The following ENPP2 variants were observed in gnomAD, a reference collection of about 807,000 sequenced individuals.
ENPP2 encodes the protein autotaxin.
Under a neutral mutation model 120.2 loss-of-function variants are expected in ENPP2, and 51 were observed. The ratio of observed to expected loss-of-function variants is 0.42; its 90% CI spans 0.34 to 0.54. The LOEUF is 0.54. Ranked by LOEUF, ENPP2 falls within the 20% of genes least tolerant of loss-of-function variation. ENPP2 has a pLI of 0.04. For missense variants in ENPP2, 920 were observed against 1,066.5 expected (o/e 0.86, Z 1.91); for synonymous variants, 365 against 366.4 (o/e 1.00, Z 0.04).
rs759046480 is a variant in ENPP2 at position 119,583,693 on chromosome 8, G to C, written c.1543+24C>G. The C allele has an allele frequency of 8.7e-6, 11 of 1,266,626 alleles. No homozygotes were observed. In the South Asian group the frequency reaches 1.4e-4, roughly 16 times the overall value. 78.5% of individuals were successfully genotyped at this position (1,266,626 alleles called of 1,614,324 possible). A position where few individuals can be genotyped will look rare whatever the true frequency, so the allele number is the denominator to read the frequency against. On this transcript the variant is annotated intron_variant, in intron 17 of 24. Transcript: ENST00000075322. Reference sequence around the variant, plus strand: ...ATACTAACTAAAGATTGTTTCAATGGTTCTGATTAAATGAGTGACTTACCA... The same window carrying C: ...ATACTAACTAAAGATTGTTTCAATGCTTCTGATTAAATGAGTGACTTACCA...
intron 11 of ENPP2, 67 bp from the exon 12 acceptor site, chr8:119,593,927 C>A (rs1358627087): frequency 5.6e-6 from 5 of 899,158 alleles, no homozygotes; most frequent in Non-Finnish European, 9.4e-6. Context: ...TCTCATAGAT[C>A]TTCTACCCCT....
chr8:119,601,279 C>G, intron 10 of ENPP2, 118 bp downstream of exon 10: 3 of 716,024 alleles, frequency 4.2e-6, no homozygotes, highest in Non-Finnish European at 4.7e-6. Flanking sequence ...AGGCTAAGAA[C>G]CACAAAACTT....
chr8:119,598,948 G>C (rs1420739954), intron 11 of ENPP2, among the ~76,000 whole-genome samples: 1 of 152,068 alleles, frequency 6.6e-6, no homozygotes, highest in African/African-American at 2.4e-5. Flanking sequence ...TTCTTTGAGG[G>C]GATGCTATTA....
intron 19 of ENPP2, among the ~76,000 whole-genome samples, chr8:119,573,298 T>C (rs976139920): frequency 2.0e-5 from 3 of 150,446 alleles, no homozygotes; most frequent in African/African-American, 7.4e-5. Context: ...TCCCAGCTAC[T>C]AGGGAGTCTG....
chr8:119,611,306 C>T (rs910271303), intron 8 of ENPP2, among the ~76,000 whole-genome samples: 2 of 152,192 alleles, frequency 1.3e-5, no homozygotes, highest in South Asian at 2.1e-4. Flanking sequence ...CCTTTGCACT[C>T]GAAAGCATTG....
chr8:119,557,669 C>T lies in ENPP2; in HGVS notation c.2444G>A (p.Trp815Ter). Residue 815 changes from tryptophan (W) to a stop codon, truncating the protein, a stop_gained, in exon 25 of 25, where the codon TGG (tryptophan) becomes TAG (stop). Transcript: ENST00000075322. LOFTEE classifies it high-confidence loss of function. ...SCNSSEDESK[W>*]VEELMKMHTA... ...GTGCATCTTCATGAGTTCTTCTACC[C>T]ATTTTGATTCGTCCTCTGAGCTCTG... 6.3e-7 allele frequency: 1 copy of T among 1,581,032 alleles called. No homozygotes were observed. The highest frequency in any genetic ancestry group is 8.6e-7 in the Non-Finnish European group (1 of 1,169,066).
At chr8:119,582,639 A>T in intron 17 of ENPP2, 37 bp from the exon 18 acceptor site, 1 of 1,471,200 alleles carries the variant, frequency 6.8e-7, no homozygotes. Context: ...GGTGCTTCTT[A>T]TATTTTTTTG....
chr8:119,587,087 G>C lies in ENPP2; in HGVS notation c.1208-12C>G, dbSNP rs1429347349. 5 of 1,602,858 alleles carry C rather than the reference G, an allele frequency of 3.1e-6. No homozygotes were observed. Among genetic ancestry groups the C allele is most frequent in the Non-Finnish European group, 3.4e-6 (4 of 1,174,322 alleles). On this transcript the variant is annotated splice_polypyrimidine_tract_variant and intron_variant, in intron 13 of 24. Transcript: ENST00000075322. ...GGCTTTGGGGTCATCTGTTCAAAGAGAGGAGAAAGATTTCAAAAGAAATAA... is the reference window on the plus strand; with the variant it reads ...GGCTTTGGGGTCATCTGTTCAAAGACAGGAGAAAGATTTCAAAAGAAATAA...
At position 119,582,536 on chromosome 8, in the gene ENPP2, G is replaced by T; in HGVS notation, c.1610C>A (p.Thr537Asn). The change falls in exon 18 of 25, where the codon ACT becomes AAT. Residue 537 changes from threonine (T) to asparagine (N), a missense_variant. Thr to Asn is a moderately conservative substitution (Grantham distance 65). Coordinates refer to ENST00000075322, the MANE Select transcript of ENPP2 (RefSeq NM_001040092.3). ...THGSLNHLLR[T>N]NTFRPTMPEE... ...TGGCATGGTTGGCCTGAAGGTATTAGTGCGCAGGAGATGATTCAAACTTCC... is the reference window on the plus strand; with the variant it reads ...TGGCATGGTTGGCCTGAAGGTATTATTGCGCAGGAGATGATTCAAACTTCC... The T allele has an allele frequency of 6.2e-7, 1 of 1,613,712 alleles. No homozygotes were observed.
chr8:119,571,061 G>A, intron 19 of ENPP2: 1 of 347,254 alleles, frequency 2.9e-6, no homozygotes, highest in Non-Finnish European at 5.1e-6. Flanking sequence ...AAACCATAAT[G>A]TAAATGCTGT....
intron 3 of ENPP2, among the ~76,000 whole-genome samples, chr8:119,623,648 C>G (rs867202663): frequency 3.3e-5 from 5 of 151,906 alleles, no homozygotes; most frequent in Non-Finnish European, 7.4e-5. Flanking sequence ...TTTTTTGAGA[C>G]AGAGTCTCAC....
chr8:119,590,635 G>T lies in ENPP2; in HGVS notation c.1082-5C>A. ...CACATGTGACATCTTCCATTCCTAT[G>T]GGGAGGGAGAAAAAGAATATTTTCA... On this transcript the variant is annotated splice_polypyrimidine_tract_variant and splice_region_variant and intron_variant, in intron 12 of 24. Transcript: ENST00000075322. 1.3e-6 allele frequency: 2 copies of T among 1,484,384 alleles called. No homozygotes were observed. Among genetic ancestry groups the T allele is most frequent in the Non-Finnish European group, 1.8e-6 (2 of 1,114,050 alleles). 92.0% of individuals were successfully genotyped at this position (1,484,384 alleles called of 1,614,324 possible).
chr8:119,571,891 A>G lies in ENPP2; in HGVS notation c.1781-1050T>C, dbSNP rs571893434. 14 of 271,204 alleles carry G rather than the reference A, an allele frequency of 5.2e-5. No homozygotes were observed. In the East Asian group the frequency reaches 5.2e-4, roughly 10 times the overall value. The allele number at this position is 271,204 out of a possible 1,614,324, so 16.8% of individuals were successfully genotyped here. A position where few individuals can be genotyped will look rare whatever the true frequency, so the allele number is the denominator to read the frequency against. The stretch of plus-strand genomic sequence containing the variant: ...TAATGGAGAAAAGTCTTCGTAGAAT[A>G]CTTTGCAAGACCCTCCCAGATAGAA... On this transcript the variant is annotated intron_variant, in intron 19 of 24. Transcript: ENST00000075322.
At chr8:119,633,001 G>GCCT (rs2130812719) in intron 2 of ENPP2, among the ~76,000 whole-genome samples, 1 of 152,338 alleles carries the variant, frequency 6.6e-6, no homozygotes, top group South Asian at 2.1e-4. Context: ...GTTGCAGTGA[G>GCCT]CCGAGATCAT....
At chr8:119,580,049 T>A in intron 19 of ENPP2, 67 bp downstream of exon 19, 1 of 1,050,052 alleles carries the variant, frequency 9.5e-7, no homozygotes, top group South Asian at 1.3e-5. Flanking sequence ...ATAATGTAAA[T>A]AAGAAGCCTT....
intron 2 of ENPP2, among the ~76,000 whole-genome samples, chr8:119,634,895 A>T (rs1003934758): frequency 1.3e-5 from 2 of 152,154 alleles, no homozygotes; most frequent in Non-Finnish European, 2.9e-5. Flanking sequence ...CTACAGCCCC[A>T]TTTAACAAAG....
At chr8:119,590,850 C>A (rs1434106745) in intron 12 of ENPP2, among the ~76,000 whole-genome samples, 1 of 151,956 alleles carries the variant, frequency 6.6e-6, no homozygotes. Context: ...ATCTTGCAAG[C>A]ACTAGAAGGT....
intron 23 of ENPP2, among the ~76,000 whole-genome samples, chr8:119,563,553 T>C (rs1814145092): frequency 6.6e-6 from 1 of 152,134 alleles, no homozygotes; most frequent in South Asian, 2.1e-4. Flanking sequence ...GATGCAGAAC[T>C]TGATACAAAG....
rs141755430 is a variant in ENPP2, at chr8:119,560,070, T to C, written c.2422-2379A>G. 2.6e-3 allele frequency among the ~76,000 whole-genome samples: 395 copies of C among 152,282 alleles called. 5 individuals carry two copies. The highest frequency in any genetic ancestry group is 0.02 in the South Asian group (97 of 4,816). On this transcript the variant is annotated intron_variant, in intron 24 of 24. Coordinates refer to ENST00000075322, the MANE Select transcript of ENPP2 (RefSeq NM_001040092.3). Reference sequence around the variant, plus strand: ...TACAGAACAGCCTTTGTACCAAGTTTAGAGCAGTATTTTTAAAACTCCCCA... The same window carrying C: ...TACAGAACAGCCTTTGTACCAAGTTCAGAGCAGTATTTTTAAAACTCCCCA...
Sources: allele counts gnomAD v4.1 joint callset (sites outside exome capture counted in the v4.1 genomes callset), GRCh38; gene constraint gnomAD v4.1.1; transcripts MANE v1.5; gene names NCBI Gene and HGNC (gene_info 2026-07-23, HGNC 2026-07-21).